The following FUBP1 variants were observed in gnomAD, a reference collection of about 807,000 sequenced individuals.
FUBP1 encodes far upstream element binding protein 1.
FUBP1 carries 16 observed loss-of-function variants against 94.9 expected under a neutral mutation model. That is an observed-to-expected ratio of 0.17 (90% confidence interval 0.11 to 0.26). FUBP1 has a LOEUF of 0.26. Ranked by LOEUF, FUBP1 falls within the 10% of genes least tolerant of loss-of-function variation. The probability of loss-of-function intolerance (pLI) is 1.00; values close to 1 mark genes in which losing one functional copy is unlikely to be tolerated. For missense variants in FUBP1, 583 were observed against 808.6 expected (o/e 0.72, Z 3.38); for synonymous variants, 279 against 254.9 (o/e 1.09, Z -0.90).
chr1:77,960,717 T>TTTAAATTAAATTAAATTTAAATTAGCAA lies in FUBP1; in HGVS notation c.1345-250_1345-223dup, dbSNP rs1655298963. On this transcript the variant is annotated intron_variant, in intron 14 of 19. Coordinates refer to ENST00000370768, the MANE Select transcript of FUBP1 (RefSeq NM_003902.5). ...CAATAGCAGTAGCAATTAAATGCAA[T>TTTAAATTAAATTAAATTTAAATTAGCAA]TTAAATTAAATTAAATTTAAATTAG... The TTTAAATTAAATTAAATTTAAATTAGCAA allele has an allele frequency of 9.3e-6, 4 of 428,002 alleles. No homozygotes were observed. In the Admixed American group the frequency reaches 1.7e-4, roughly 18 times the overall value. 26.5% of individuals were successfully genotyped at this position (428,002 alleles called of 1,614,324 possible).
At chr1:77,969,026 A>T in intron 2 of FUBP1, 1 of 1,246,726 alleles carries the variant, frequency 8.0e-7, no homozygotes, top group Non-Finnish European at 1.1e-6. Flanking sequence ...TCCTGCCTTT[A>T]AAAGGAGAGG....
intron 15 of FUBP1, 31 bp from the exon 16 acceptor site, chr1:77,960,294 C>T: frequency 6.2e-7 from 1 of 1,612,680 alleles, no homozygotes; most frequent in South Asian, 1.1e-5. Context: ...AAAAAACAGT[C>T]CCAAAACTAG....
Position 77,964,175 on chromosome 1 carries a change from G to T in FUBP1, c.941-13C>A. 1.9e-6 allele frequency: 3 copies of T among 1,581,504 alleles called. No homozygotes were observed. The highest frequency in any genetic ancestry group is 2.6e-6 in the Non-Finnish European group (3 of 1,150,460). Reference sequence around the variant, plus strand: ...GTTGTCCCATCATCTTCAAAACAAAGAAACAAAATTAATTAAACAATAAAT... The same window carrying T: ...GTTGTCCCATCATCTTCAAAACAAATAAACAAAATTAATTAAACAATAAAT... On this transcript the variant is annotated splice_polypyrimidine_tract_variant and intron_variant, in intron 11 of 19. Transcript: ENST00000370768.
intron 18 of FUBP1, among the ~76,000 whole-genome samples, chr1:77,952,080 T>C (rs1370761111): frequency 6.6e-6 from 1 of 152,140 alleles, no homozygotes; most frequent in Non-Finnish European, 1.5e-5. Context: ...CACCCATCTT[T>C]ACTGCTGTTC....
intron 18 of FUBP1, 26 bp downstream of exon 18, chr1:77,955,229 A>G (rs1469773314): frequency 1.1e-6 from 1 of 951,716 alleles, no homozygotes; most frequent in Admixed American, 1.8e-5. Context: ...TTAAGTATGT[A>G]TTTTCAAGAA....
chr1:77,962,918 A>C lies in FUBP1; in HGVS notation c.1196T>G (p.Ile399Arg). Residue 399 changes from isoleucine (I) to arginine (R), a missense_variant, in exon 14 of 20, where the codon ATA becomes AGA. Transcript: ENST00000370768. Reference protein sequence around the residue: ...GLIIGKGGETIKSISQQSGAR... With the variant: ...GLIIGKGGETRKSISQQSGAR... ...ACCAGACTGCTGGCTTATGCTTTTT[A>C]TGGTTTCACCTCCTAAAATCAAAAG... 1 of 1,612,174 alleles carries C rather than the reference A, an allele frequency of 6.2e-7. No homozygotes were observed. The highest frequency in any genetic ancestry group is 8.5e-7 in the Non-Finnish European group (1 of 1,178,622).
Position 77,946,242 on chromosome 1 carries a change from G to A in FUBP1, c.*2524C>T, listed in dbSNP as rs1375317628. ...TAATATTAACACTTCTATATTTGGG[G>A]AAAAAATACAAAAAGATTTGGATGT... is the stretch of plus-strand genomic sequence containing the variant. On this transcript the variant is annotated 3_prime_UTR_variant, in exon 20 of 20. Coordinates refer to ENST00000370768, the MANE Select transcript of FUBP1 (RefSeq NM_003902.5). Among the ~76,000 whole-genome samples the A allele has an allele frequency of 6.6e-6, 1 of 150,602 alleles. No homozygotes were observed. The highest frequency in any genetic ancestry group is 1.9e-4 in the East Asian group (1 of 5,140).
intron 18 of FUBP1, among the ~76,000 whole-genome samples, chr1:77,949,729 C>T (rs1476983486): frequency 3.9e-5 from 6 of 152,132 alleles, no homozygotes; most frequent in Admixed American, 1.3e-4. Flanking sequence ...AATCTTAATT[C>T]GATTCCAGAA....
intron 18 of FUBP1, among the ~76,000 whole-genome samples, chr1:77,949,715 G>C (rs946983873): frequency 1.3e-5 from 2 of 152,102 alleles, no homozygotes; most frequent in African/African-American, 4.8e-5. Context: ...AAAGATTTAG[G>C]CATAATCTTA....
At chr1:77,952,851 CAT>C (rs1365263496) in intron 18 of FUBP1, among the ~76,000 whole-genome samples, 4 of 152,182 alleles carry the variant, frequency 2.6e-5, no homozygotes, top group African/African-American at 4.8e-5. Context: ...AAGATATACA[CAT>C]GTGGCCAGGC....
rs1483168505 is a variant in FUBP1 at position 77,945,117 on chromosome 1, G to T, written c.*3649C>A. Among the ~76,000 whole-genome samples, 1 of 151,856 alleles carries T rather than the reference G, an allele frequency of 6.6e-6. No individual in the cohort carries two copies. The highest frequency in any genetic ancestry group is 1.5e-5 in the Non-Finnish European group (1 of 67,828). On this transcript the variant is annotated 3_prime_UTR_variant, in exon 20 of 20. Coordinates refer to ENST00000370768, the MANE Select transcript of FUBP1 (RefSeq NM_003902.5). ...AGCGTCATTTAAAATAATGCTTATA[G>T]TATCAGTGAAGGCTTATGGTAATGA...
chr1:77,961,658 TAC>T (rs1655502314), intron 14 of FUBP1, among the ~76,000 whole-genome samples: 1 of 152,340 alleles, frequency 6.6e-6, no homozygotes, highest in South Asian at 2.1e-4. Context: ...GCAACCCGAC[TAC>T]AGAGTCCATG....
intron 1 of FUBP1, among the ~76,000 whole-genome samples, chr1:77,971,344 T>C (rs1045555518): frequency 6.6e-6 from 1 of 152,228 alleles, no homozygotes; most frequent in African/African-American, 2.4e-5. Flanking sequence ...AACCTAACTT[T>C]TGGTGACTGG....
At chr1:77,978,318 G>C (rs933320348) in intron 1 of FUBP1, among the ~76,000 whole-genome samples, 2 of 152,212 alleles carry the variant, frequency 1.3e-5, no homozygotes, top group African/African-American at 4.8e-5. Flanking sequence ...TGAGAAATAA[G>C]GGGGGCGGAC....
rs1207151173 is a variant in FUBP1, at chr1:77,960,261, C to A, written c.1499G>T (p.Gly500Val). 6.2e-7 allele frequency: 1 copy of A among 1,612,822 alleles called. No homozygotes were observed. Among genetic ancestry groups the A allele is most frequent in the South Asian group, 1.1e-5 (1 of 90,970 alleles). The change falls in exon 16 of 20, where the codon GGT becomes GTT. Residue 500 changes from glycine (G) to valine (V), a missense_variant and splice_region_variant. Physicochemically the swap from Gly to Val is moderately radical, Grantham distance 109. Coordinates refer to ENST00000370768, the MANE Select transcript of FUBP1 (RefSeq NM_003902.5). The part of the protein sequence containing the change: ...NPGPPGPAPH[G>V]PPAPYAPQGW... ...CTGGGGAGCATATGGGGCTGGAGGA[C>A]CACTGAAAAGAAAAATCAGCATAAA...
chr1:77,974,198 C>A (rs762151869), intron 1 of FUBP1, among the ~76,000 whole-genome samples: 9 of 148,840 alleles, frequency 6.0e-5, no homozygotes, highest in Admixed American at 6.8e-5. Context: ...TGCAGTGGCG[C>A]GATCTCGGTT....
intron 16 of FUBP1, among the ~76,000 whole-genome samples, chr1:77,958,856 C>A (rs1241456426): frequency 6.6e-6 from 1 of 152,212 alleles, no homozygotes; most frequent in Non-Finnish European, 1.5e-5. Context: ...CCATCCCAAT[C>A]AGCCAACAAG....
chr1:77,962,766 T>C lies in FUBP1; in HGVS notation c.1344+4A>G. Reference sequence around the variant, plus strand: ...TAAAAATTAAAAGTTTAAAGTATACTCACACCAATCTTTTCTTCTATGAGT... The same window carrying C: ...TAAAAATTAAAAGTTTAAAGTATACCCACACCAATCTTTTCTTCTATGAGT... On this transcript the variant is annotated splice_donor_region_variant and intron_variant, in intron 14 of 19. Coordinates refer to ENST00000370768, the MANE Select transcript of FUBP1 (RefSeq NM_003902.5). The C allele has an allele frequency of 6.2e-7, 1 of 1,605,716 alleles. No homozygotes were observed. Among genetic ancestry groups the C allele is most frequent in the Non-Finnish European group, 8.5e-7 (1 of 1,173,274 alleles).
chr1:77,948,949 C>T, intron 19 of FUBP1, 175 bp from the exon 20 acceptor site: 2 of 1,031,966 alleles, frequency 1.9e-6, no homozygotes, highest in South Asian at 2.7e-5. Flanking sequence ...AAATCAAAGG[C>T]ATTGCAGAAA....
Sources: gnomAD v4.1 joint callset for allele counts (sites outside exome capture counted in the v4.1 genomes callset) on GRCh38, gnomAD v4.1.1 for gene constraint, MANE v1.5 for transcripts, NCBI Gene and HGNC (gene_info 2026-07-23, HGNC 2026-07-21) for gene names.